The following COL21A1 variants were observed in gnomAD, a reference collection of about 807,000 sequenced individuals.
COL21A1 encodes the protein collagen alpha-1(XXI) chain.
A neutral mutation model predicts 137.9 loss-of-function variants in COL21A1; 149 were observed. That is an observed-to-expected ratio of 1.08 (90% confidence interval 0.95 to 1.24). COL21A1 has a LOEUF of 1.24. Ranked by LOEUF, COL21A1 falls within the 50% of genes most tolerant of loss-of-function variation. The probability of loss-of-function intolerance (pLI) is 0.00; values close to 1 mark genes in which losing one functional copy is unlikely to be tolerated. For missense variants in COL21A1, 1,167 were observed against 1,158.4 expected (o/e 1.01, Z -0.11); for synonymous variants, 456 against 391.5 (o/e 1.16, Z -1.95).
At chr6:56,204,534 A>T (rs909481569) in intron 1 of COL21A1, among the ~76,000 whole-genome samples, 1 of 152,146 alleles carries the variant, frequency 6.6e-6, no homozygotes, top group Non-Finnish European at 1.5e-5. Context: ...ACCAGGGGGA[A>T]GTGGAGGCTG....
intron 1 of COL21A1, among the ~76,000 whole-genome samples, chr6:56,354,523 C>T (rs1055451853): frequency 5.3e-5 from 8 of 152,128 alleles, no homozygotes; most frequent in Non-Finnish European, 1.2e-4. Flanking sequence ...CAGGAGCTGA[C>T]ATGACTAGAT....
chr6:56,123,327 G>A (rs1406350286), intron 16 of COL21A1, among the ~76,000 whole-genome samples: 4 of 152,108 alleles, frequency 2.6e-5, no homozygotes, highest in African/African-American at 4.8e-5. Context: ...TATACTCTTC[G>A]AAGAATCATG....
chr6:56,239,344 T>C (rs890917611), intron 1 of COL21A1, among the ~76,000 whole-genome samples: 1 of 152,152 alleles, frequency 6.6e-6, no homozygotes, highest in African/African-American at 2.4e-5. Context: ...TGTTTCCATA[T>C]ACAAAGCATG....
At chr6:56,128,156 T>A (rs1347307890) in intron 12 of COL21A1, among the ~76,000 whole-genome samples, 1 of 152,188 alleles carries the variant, frequency 6.6e-6, no homozygotes, top group Non-Finnish European at 1.5e-5. Context: ...AGATCCAGAA[T>A]GTGTTTTTTG....
chr6:56,109,894 A>G (rs886993117), intron 16 of COL21A1, among the ~76,000 whole-genome samples: 2 of 152,016 alleles, frequency 1.3e-5, no homozygotes, highest in Non-Finnish European at 2.9e-5. Flanking sequence ...ACACCTGCAA[A>G]GCTCAGGCCC....
intron 17 of COL21A1, among the ~76,000 whole-genome samples, chr6:56,088,882 G>T (rs1010314171): frequency 1.3e-5 from 2 of 152,070 alleles, no homozygotes; most frequent in African/African-American, 2.4e-5. Flanking sequence ...GACCTCCCAG[G>T]CTCAGGTGAT....
intron 1 of COL21A1, among the ~76,000 whole-genome samples, chr6:56,384,587 G>C (rs944786246): frequency 3.3e-5 from 5 of 152,182 alleles, no homozygotes; most frequent in Non-Finnish European, 7.4e-5. Context: ...AACTGGGAAA[G>C]GAAAAGTACA....
intron 1 of COL21A1, among the ~76,000 whole-genome samples, chr6:56,371,028 C>G (rs6899968): frequency 6.6e-6 from 1 of 151,970 alleles, no homozygotes; most frequent in African/African-American, 2.4e-5. Context: ...ACCTGCTTTC[C>G]CTTCCTCTAG....
At chr6:56,310,131 G>C (rs1764573697) in intron 1 of COL21A1, among the ~76,000 whole-genome samples, 1 of 152,150 alleles carries the variant, frequency 6.6e-6, no homozygotes, top group Admixed American at 6.6e-5. Context: ...CACAGCAAGA[G>C]CTAGGGAAGA....
At chr6:56,376,848 C>T (rs1320077916) in intron 1 of COL21A1, among the ~76,000 whole-genome samples, 2 of 109,116 alleles carry the variant, frequency 1.8e-5, no homozygotes, top group Non-Finnish European at 3.4e-5. Flanking sequence ...CCCCCCCAAA[C>T]AAGGACACCA....
chr6:56,112,890 G>A (rs1480822989), intron 16 of COL21A1, among the ~76,000 whole-genome samples: 37 of 151,980 alleles, frequency 2.4e-4, no homozygotes, highest in Admixed American at 2.2e-3. Context: ...CTCCATGTTG[G>A]TCAGGCTGGT....
chr6:56,120,158 A>C (rs903511805), intron 16 of COL21A1, among the ~76,000 whole-genome samples: 1 of 152,218 alleles, frequency 6.6e-6, no homozygotes, highest in South Asian at 2.1e-4. Flanking sequence ...ATCTGACAAG[A>C]GATTAGTAAC....
chr6:56,326,890 C>T (rs924883360), intron 1 of COL21A1, among the ~76,000 whole-genome samples: 2 of 152,002 alleles, frequency 1.3e-5, no homozygotes, highest in South Asian at 4.1e-4. Flanking sequence ...ACACCTGAAT[C>T]TGCCTTTAAA....
At chr6:56,307,068 G>T (rs10807512) in intron 1 of COL21A1, among the ~76,000 whole-genome samples, 128,363 of 152,160 alleles carry the variant, frequency 0.84, 56,126 homozygotes, top group South Asian at 0.97. Flanking sequence ...GTTGCTTCCT[G>T]ATCGTTCCTC....
chr6:56,123,836 C>G (rs1772766521), intron 16 of COL21A1, among the ~76,000 whole-genome samples: 1 of 152,190 alleles, frequency 6.6e-6, no homozygotes, highest in Non-Finnish European at 1.5e-5. Flanking sequence ...TGAAGAAGTT[C>G]AACCTTGTAA....
intron 7 of COL21A1, among the ~76,000 whole-genome samples, chr6:56,165,756 G>GA (rs1287857656): frequency 5.9e-5 from 9 of 152,138 alleles, no homozygotes; most frequent in Admixed American, 3.9e-4. Flanking sequence ...GAAAAAAGAA[G>GA]ATGATGACAA....
chr6:56,295,854 T>C (rs1764153446), intron 1 of COL21A1, among the ~76,000 whole-genome samples: 1 of 151,996 alleles, frequency 6.6e-6, no homozygotes, highest in East Asian at 1.9e-4. Flanking sequence ...CCTTGGGATT[T>C]TCCACATAGA....
intron 1 of COL21A1, among the ~76,000 whole-genome samples, chr6:56,275,579 T>C (rs1283792446): frequency 6.6e-6 from 1 of 152,092 alleles, no homozygotes; most frequent in Non-Finnish European, 1.5e-5. Context: ...TCTCCAATGA[T>C]GAAATTGTAT....
At chr6:56,318,920 C>A (rs1764805074) in intron 1 of COL21A1, among the ~76,000 whole-genome samples, 2 of 116,450 alleles carry the variant, frequency 1.7e-5, no homozygotes, top group Non-Finnish European at 3.6e-5. Flanking sequence ...CCACCTCCCC[C>A]CAAACACACA....
Sources: gnomAD v4.1 joint callset for allele counts (sites outside exome capture counted in the v4.1 genomes callset) on GRCh38, gnomAD v4.1.1 for gene constraint, MANE v1.5 for transcripts, NCBI Gene and HGNC (gene_info 2026-07-23, HGNC 2026-07-21) for gene names.